The following HAL variants were observed in gnomAD, a reference collection of about 807,000 sequenced individuals.
HAL encodes histidine ammonia-lyase, also known as histidase.
A neutral mutation model predicts 81.1 loss-of-function variants in HAL; 85 were observed. The observed-to-expected ratio is 1.05, with a 90% CI of 0.88 to 1.25. HAL has a LOEUF of 1.25. Ranked by LOEUF, HAL falls within the 50% of genes most tolerant of loss-of-function variation. The pLI, the probability that HAL is intolerant of heterozygous loss-of-function variation, is 0.00. For missense variants in HAL, 798 were observed against 836.6 expected (o/e 0.95, Z 0.57); for synonymous variants, 301 against 309.2 (o/e 0.97, Z 0.28).
At chr12:95,984,029 A>T in intron 14 of HAL, 38 bp from the exon 15 acceptor site, 4 of 980,810 alleles carry the variant, frequency 4.1e-6, no homozygotes, top group Non-Finnish European at 6.6e-6. Flanking sequence ...GACCCATTTG[A>T]TTACCTGAAG....
At chr12:95,994,484 G>C (rs1174485878) in intron 4 of HAL, among the ~76,000 whole-genome samples, 1 of 152,116 alleles carries the variant, frequency 6.6e-6, no homozygotes, top group Non-Finnish European at 1.5e-5. Context: ...CTGCCTCCTG[G>C]GTTCAAGCAA....
In HAL at chr12:95,993,452, T is replaced by C; in HGVS notation, c.588A>G (p.Ser196=). ...LQVNLVRSHS[S]GVGKPLSPER... The stretch of plus-strand genomic sequence containing the variant: ...GAGGCACCCAACGTTTTGACTTACC[T>C]GAAGAATGTGAGCGTACTAAGTTGA... Residue 196 remains serine (S), a splice_region_variant and synonymous_variant, in exon 8 of 21, where the codon TCA becomes TCG. Transcript: ENST00000261208. 1 of 1,598,654 alleles carries C rather than the reference T, an allele frequency of 6.3e-7. No individual in the cohort carries two copies. The highest frequency in any genetic ancestry group is 8.6e-7 in the Non-Finnish European group (1 of 1,165,786).
intron 11 of HAL, 75 bp from the exon 12 acceptor site, chr12:95,987,289 T>A: frequency 1.5e-6 from 2 of 1,302,264 alleles, no homozygotes; most frequent in Non-Finnish European, 2.2e-6. Context: ...TTTGTATCTT[T>A]TGCTTTCATA....
Position 95,990,477 on chromosome 12 carries a change from AAGGTCTCC to A in HAL, c.763_770del (p.Gly255CysfsTer25). ...CAAGAGCAAGATGAGAGAGTGGGGC[AAGGTCTCC>A]ACTGGCACCAACGGTTCCTTTCTCT... On this transcript the variant is annotated frameshift_variant, in exon 10 of 21. Coordinates refer to ENST00000261208, the MANE Select transcript of HAL (RefSeq NM_002108.4). LOFTEE classifies it high-confidence loss of function. 6.2e-7 allele frequency: 1 copy of A among 1,610,856 alleles called. No homozygotes were observed. The highest frequency in any genetic ancestry group is 2.2e-5 in the East Asian group (1 of 44,870).
intron 10 of HAL, 188 bp downstream of exon 10, chr12:95,990,200 CAGCCG>C (rs1394495909): frequency 1.1e-5 from 7 of 647,816 alleles, no homozygotes; most frequent in Non-Finnish European, 2.0e-5. Context: ...AGAAGGCTGA[CAGCCG>C]AGTATAGAAG....
At chr12:95,994,248 T>A in intron 4 of HAL, 84 bp from the exon 5 acceptor site, 1 of 895,080 alleles carries the variant, frequency 1.1e-6, no homozygotes, top group Non-Finnish European at 1.9e-6. Flanking sequence ...AGAACCAAAC[T>A]GACATTTCAG....
Position 95,995,700 on chromosome 12 carries a change from C to T in HAL, c.211G>A (p.Glu71Lys), listed in dbSNP as rs867312256. 1.2e-6 allele frequency: 2 copies of T among 1,613,510 alleles called. No homozygotes were observed. The highest frequency in any genetic ancestry group is 1.7e-5 in the Admixed American group (1 of 60,016). The change falls in exon 2 of 21, where the codon GAG becomes AAG. Residue 71 changes from glutamate to lysine, a missense_variant. Coordinates refer to ENST00000261208, the MANE Select transcript of HAL (RefSeq NM_002108.4). ...LGLLDNEDRL[E>K]VALENNEFVE... ...AACTCGTTGTTCTCTAGGGCCACCT[C>T]GAGCCGGTCCTCGTTGTCCAGCAGG...
intron 2 of HAL, chr12:95,995,274 T>C (rs1204624893): frequency 4.2e-5 from 24 of 576,998 alleles, no homozygotes; most frequent in Non-Finnish European, 7.1e-5. Context: ...AAATCTGAAC[T>C]GATGCTATGC....
rs546512435 is a variant in HAL at position 95,988,383 on chromosome 12, A to G, written c.856-143T>C. Reference sequence around the variant, plus strand: ...AGACCTACAGGAACTGGCTGTATTCATGTTCTCTGGTCTATTCTCTAGTTC... The same window carrying G: ...AGACCTACAGGAACTGGCTGTATTCGTGTTCTCTGGTCTATTCTCTAGTTC... On this transcript the variant is annotated intron_variant, in intron 10 of 20. Transcript: ENST00000261208. The G allele has an allele frequency of 5.0e-5, 34 of 682,850 alleles. No homozygotes were observed. In the African/African-American group the frequency reaches 5.3e-4, roughly 11 times the overall value. 42.3% of individuals were successfully genotyped at this position (682,850 alleles called of 1,614,324 possible). A position where few individuals can be genotyped will look rare whatever the true frequency, so the allele number is the denominator to read the frequency against.
rs2270317 is a variant in HAL at position 95,987,898 on chromosome 12, G to C, written c.903+295C>G. On this transcript the variant is annotated intron_variant, in intron 11 of 20. Coordinates refer to ENST00000261208, the MANE Select transcript of HAL (RefSeq NM_002108.4). ...TAATTTTTGTCTTTTTTGGCGGGGCGGGGGGGGCGGGTAGAGATGGGTTTC... is the reference window on the plus strand; with the variant it reads ...TAATTTTTGTCTTTTTTGGCGGGGCCGGGGGGGCGGGTAGAGATGGGTTTC... Among the ~76,000 whole-genome samples, 191 of 115,006 alleles carry C rather than the reference G, an allele frequency of 1.7e-3. 8 individuals are homozygous for C. In the East Asian group the frequency reaches 0.075, roughly 45 times the overall value. 75.4% of individuals were successfully genotyped at this position (115,006 alleles called of 152,430 possible). A position where few individuals can be genotyped will look rare whatever the true frequency, so the allele number is the denominator to read the frequency against.
intron 18 of HAL, 91 bp from the exon 19 acceptor site, chr12:95,976,797 C>T (rs1219647267): frequency 1.3e-6 from 1 of 785,124 alleles, no homozygotes; most frequent in Non-Finnish European, 2.3e-6. Context: ...CCCATCACCA[C>T]CCAACTAACA....
rs1353708901 is a variant in HAL, at chr12:95,976,653, G to T, written c.1708C>A (p.Leu570Met). 10 of 1,613,656 alleles carry T rather than the reference G, an allele frequency of 6.2e-6. No homozygotes were observed. The South Asian group carries it at 1.1e-4, about 18-fold the overall frequency. ...ACQGIEFLRP[L>M]KTTTPLEKVY... The stretch of plus-strand genomic sequence containing the variant: ...TTCTCCAGCGGAGTGGTTGTTTTCA[G>T]GGGACGTAGAAACTCTATGCCCTGG... Residue 570 changes from leucine to methionine, a missense_variant, in exon 19 of 21, where the codon CTG (leucine) becomes ATG (methionine). Transcript: ENST00000261208.
intron 12 of HAL, 131 bp downstream of exon 12, chr12:95,986,936 C>T (rs112354817): frequency 1.1e-4 from 89 of 777,212 alleles, no homozygotes; most frequent in African/African-American, 4.7e-4. Flanking sequence ...ACACTGGGTA[C>T]GCCACAGGCA....
chr12:95,992,296 C>T (rs1264322119), intron 9 of HAL, among the ~76,000 whole-genome samples: 4 of 152,220 alleles, frequency 2.6e-5, no homozygotes, highest in Non-Finnish European at 5.9e-5. Flanking sequence ...CAGGCACCAA[C>T]CAGAACTACT....
rs1252689842 is a variant in HAL at position 95,978,063 on chromosome 12, G to C, written c.1535C>G (p.Ala512Gly). 1.2e-6 allele frequency: 2 copies of C among 1,613,732 alleles called. No homozygotes were observed. The highest frequency in any genetic ancestry group is 1.7e-6 in the Non-Finnish European group (2 of 1,179,598). The change falls in exon 18 of 21, where the codon GCT (alanine) becomes GGT (glycine). Residue 512 changes from alanine to glycine, a missense_variant. Coordinates refer to ENST00000261208, the MANE Select transcript of HAL (RefSeq NM_002108.4). ...GTCAACAGACGAGGGATGGCACAGA[G>C]CCTTGTTCTCAGAAACTGCAAGAGA... ...TAAALVSENKALCHPSSVDSL... is the reference protein window; with the variant it reads ...TAAALVSENKGLCHPSSVDSL...
chr12:95,990,263 T>C (rs1192429035), intron 10 of HAL, 130 bp downstream of exon 10: 1 of 800,038 alleles, frequency 1.2e-6, no homozygotes, highest in Non-Finnish European at 2.2e-6. Context: ...CGCTGTCTCA[T>C]CTGTAAAGTA....
chr12:95,990,891 C>G (rs12309712), intron 9 of HAL, among the ~76,000 whole-genome samples: 4,667 of 152,284 alleles, frequency 0.031, 232 homozygotes, highest in African/African-American at 0.11. Flanking sequence ...GGGCATATCA[C>G]TTGAGCCCAG....
rs780177488 is a variant in HAL at position 95,976,524 on chromosome 12, C to G, written c.1764-26G>C. ...CTACAGGGAGAGCACATCCGCCCATCAGCCAAACATGAAACCCTGCCAGGG... is the reference window on the plus strand; with the variant it reads ...CTACAGGGAGAGCACATCCGCCCATGAGCCAAACATGAAACCCTGCCAGGG... On this transcript the variant is annotated intron_variant, in intron 19 of 20. Transcript: ENST00000261208. 19 of 1,611,772 alleles carry G rather than the reference C, an allele frequency of 1.2e-5. No individual in the cohort carries two copies. The South Asian group carries it at 2.1e-4, about 18-fold the overall frequency.
In HAL at chr12:95,973,958, T is replaced by C; in HGVS notation, c.*274A>G. 1 of 492,922 alleles carries C rather than the reference T, an allele frequency of 2.0e-6. No individual in the cohort carries two copies. Among genetic ancestry groups the C allele is most frequent in the Non-Finnish European group, 3.7e-6 (1 of 272,542 alleles). The allele number at this position is 492,922 out of a possible 1,614,324, so 30.5% of individuals were successfully genotyped here. ...ACAATTGTGGTTATTCTTCTCACCC[T>C]TAAGAGTGAGTGGCCTGTTGAAACT... On this transcript the variant is annotated 3_prime_UTR_variant, in exon 21 of 21. Coordinates refer to ENST00000261208, the MANE Select transcript of HAL (RefSeq NM_002108.4).
Sources: gnomAD v4.1 joint callset for allele counts (sites outside exome capture counted in the v4.1 genomes callset) on GRCh38, gnomAD v4.1.1 for gene constraint, MANE v1.5 for transcripts, NCBI Gene and HGNC (gene_info 2026-07-23, HGNC 2026-07-21) for gene names.